The following WWOX variants were observed in gnomAD, a reference collection of about 807,000 sequenced individuals.
WWOX encodes WW domain-containing oxidoreductase.
WWOX carries 69 observed loss-of-function variants against 46.2 expected under a neutral mutation model. That is an observed-to-expected ratio of 1.49 (90% CI 1.23 to 1.82). The LOEUF (loss-of-function observed/expected upper bound fraction) is 1.82, where lower values mean the gene tolerates loss of function less well. Among genes scored for constraint, WWOX ranks in the 40% most tolerant of loss-of-function variants. WWOX has a pLI of 0.00. For missense variants in WWOX, 919 were observed against 542.6 expected (o/e 1.69, Z -6.89); for synonymous variants, 359 against 202.6 (o/e 1.77, Z -6.56).
intron 5 of WWOX, among the ~76,000 whole-genome samples, chr16:78,234,726 G>A (rs1298350148): frequency 1.3e-5 from 2 of 150,514 alleles, no homozygotes; most frequent in African/African-American, 4.9e-5. Context: ...ACTGCTTTTG[G>A]AAAAAGAACC....
Position 78,937,448 on chromosome 16 carries a change from C to CTTTTTTT in WWOX, c.1057-274140_1057-274134dup, listed in dbSNP as rs537642648. Among the ~76,000 whole-genome samples, 265 of 81,984 alleles carry CTTTTTTT rather than the reference C, an allele frequency of 3.2e-3. 26 individuals are homozygous for CTTTTTTT. Among genetic ancestry groups the CTTTTTTT allele is most frequent in the Middle Eastern group, 9.3e-3 (1 of 108 alleles). The allele number at this position is 81,984 out of a possible 152,430, so 53.8% of individuals were successfully genotyped here. On this transcript the variant is annotated intron_variant, in intron 8 of 8. Coordinates refer to ENST00000566780, the MANE Select transcript of WWOX (RefSeq NM_016373.4). ...TTAGAGAACTTTGTATTTGTATTAA[C>CTTTTTTT]TTTTTTTTTTTTTTTTTTTTTTTTT...
chr16:79,044,817 G>A (rs1039700777), intron 8 of WWOX, among the ~76,000 whole-genome samples: 3 of 151,660 alleles, frequency 2.0e-5, no homozygotes, highest in African/African-American at 7.3e-5. Context: ...CAACCTCAAG[G>A]CCCAGCGCTG....
At chr16:78,382,362 C>G (rs1281859555) in intron 5 of WWOX, among the ~76,000 whole-genome samples, 2 of 152,220 alleles carry the variant, frequency 1.3e-5, no homozygotes, top group Non-Finnish European at 2.9e-5. Context: ...GCCGTAGAGG[C>G]TGGCAGTGTT....
At chr16:78,692,615 C>T (rs919483741) in intron 8 of WWOX, among the ~76,000 whole-genome samples, 3 of 152,188 alleles carry the variant, frequency 2.0e-5, no homozygotes, top group Admixed American at 6.5e-5. Flanking sequence ...CTCTCACCCC[C>T]ATGTTTATAA....
At chr16:78,481,975 G>A (rs1397457752) in intron 8 of WWOX, among the ~76,000 whole-genome samples, 1 of 152,108 alleles carries the variant, frequency 6.6e-6, no homozygotes, top group African/African-American at 2.4e-5. Flanking sequence ...GAGCTGCCTA[G>A]CTGTCTGCAT....
intron 8 of WWOX, among the ~76,000 whole-genome samples, chr16:79,041,512 A>C (rs1240744086): frequency 6.6e-6 from 1 of 152,164 alleles, no homozygotes; most frequent in Non-Finnish European, 1.5e-5. Context: ...ATGCTCATTA[A>C]GTCCGCAGAA....
In WWOX at chr16:79,212,235, G is replaced by C; in HGVS notation, c.*439G>C. 1 of 1,368,576 alleles carries C rather than the reference G, an allele frequency of 7.3e-7. No homozygotes were observed. The highest frequency in any genetic ancestry group is 9.6e-7 in the Non-Finnish European group (1 of 1,038,584). The allele number at this position is 1,368,576 out of a possible 1,614,324, so 84.8% of individuals were successfully genotyped here. ...AAAAAGCAAGTGTTCACTGCTCCTT[G>C]CTGCATTGATCCAGGAGATAATTGT... On this transcript the variant is annotated 3_prime_UTR_variant, in exon 9 of 9. Transcript: ENST00000566780.
chr16:78,121,473 C>G (rs2033089292), intron 4 of WWOX, among the ~76,000 whole-genome samples: 1 of 152,082 alleles, frequency 6.6e-6, no homozygotes, highest in Admixed American at 6.6e-5. Flanking sequence ...ACATGGAAAT[C>G]ACGTGATCAA....
At chr16:78,435,792 G>T (rs2083321830) in intron 8 of WWOX, among the ~76,000 whole-genome samples, 1 of 152,164 alleles carries the variant, frequency 6.6e-6, no homozygotes, top group African/African-American at 2.4e-5. Context: ...ACTTAGACAT[G>T]TCACCAGCTT....
chr16:78,995,313 C>G (rs2046968284), intron 8 of WWOX, among the ~76,000 whole-genome samples: 1 of 152,130 alleles, frequency 6.6e-6, no homozygotes, highest in South Asian at 2.1e-4. Context: ...TGCCCCTTGC[C>G]CAATTCCCTC....
At chr16:78,799,411 C>T (rs2050827277) in intron 8 of WWOX, among the ~76,000 whole-genome samples, 1 of 152,190 alleles carries the variant, frequency 6.6e-6, no homozygotes, top group Non-Finnish European at 1.5e-5. Flanking sequence ...TTTTTAAGAA[C>T]TTACCAGCAT....
chr16:78,556,811 C>T (rs2044308786), intron 8 of WWOX, among the ~76,000 whole-genome samples: 1 of 152,064 alleles, frequency 6.6e-6, no homozygotes, highest in South Asian at 2.1e-4. Context: ...CCCCCGCCCC[C>T]GGGTTCAAGC....
At chr16:78,926,474 C>G (rs1241496736) in intron 8 of WWOX, among the ~76,000 whole-genome samples, 1 of 152,078 alleles carries the variant, frequency 6.6e-6, no homozygotes, top group Non-Finnish European at 1.5e-5. Context: ...GAGTTTGTGT[C>G]TATGGTTTCT....
chr16:78,450,044 C>CCGTT (rs1307600301), intron 8 of WWOX, among the ~76,000 whole-genome samples: 1 of 151,772 alleles, frequency 6.6e-6, no homozygotes, highest in Non-Finnish European at 1.5e-5. Context: ...AAATAACCAC[C>CCGTT]CGTTACTTTG....
intron 8 of WWOX, among the ~76,000 whole-genome samples, chr16:78,545,462 C>G (rs776715161): frequency 2.6e-5 from 4 of 152,184 alleles, no homozygotes; most frequent in African/African-American, 9.7e-5. Context: ...AAGAGCTTCT[C>G]CTGTCTTAGT....
At chr16:78,574,054 T>G (rs2044785510) in intron 8 of WWOX, among the ~76,000 whole-genome samples, 1 of 152,186 alleles carries the variant, frequency 6.6e-6, no homozygotes, top group Admixed American at 6.5e-5. Flanking sequence ...TTTATTTCCT[T>G]GTAGCTTTTT....
intron 8 of WWOX, among the ~76,000 whole-genome samples, chr16:79,057,622 G>C (rs549932531): frequency 6.6e-6 from 1 of 152,236 alleles, no homozygotes; most frequent in South Asian, 2.1e-4. Flanking sequence ...ATCCTTGAAT[G>C]ACAATTTGGA....
chr16:78,255,468 A>G (rs2038102550), intron 5 of WWOX, among the ~76,000 whole-genome samples: 2 of 152,356 alleles, frequency 1.3e-5, no homozygotes, highest in South Asian at 4.1e-4. Context: ...TAAGCAGAGG[A>G]GAAACAGAAG....
chr16:78,361,336 G>C (rs948025726), intron 5 of WWOX, among the ~76,000 whole-genome samples: 2 of 152,096 alleles, frequency 1.3e-5, no homozygotes, highest in African/African-American at 4.8e-5. Flanking sequence ...TTGATCACTT[G>C]GTTAAGGTGA....
Sources: gnomAD v4.1 joint callset for allele counts (sites outside exome capture counted in the v4.1 genomes callset) on GRCh38, gnomAD v4.1.1 for gene constraint, MANE v1.5 for transcripts, NCBI Gene and HGNC (gene_info 2026-07-23, HGNC 2026-07-21) for gene names.